GBGT1: variants seen among roughly 807,000 people sequenced by gnomAD.
The protein encoded by GBGT1 is globoside alpha-1,3-N-acetylgalactosaminyltransferase 1.
In GBGT1, 18 loss-of-function variants were observed where a neutral mutation model predicts 20.9. That is an observed-to-expected ratio of 0.86 (90% CI 0.60 to 1.28). GBGT1 has a LOEUF of 1.28. Among genes scored for constraint, GBGT1 ranks in the 50% most tolerant of loss-of-function variants. The pLI is 0.00. For synonymous variants in GBGT1, 168 were observed against 180.8 expected, an observed-to-expected ratio of 0.93 and a Z score of 0.57; for missense variants, 432 against 455.7, an observed-to-expected ratio of 0.95 and a Z score of 0.47.
At chr9:133,161,773 T>C (rs1249112624) in intron 2 of GBGT1, among the ~76,000 whole-genome samples, 1 of 151,804 alleles carries the variant, frequency 6.6e-6, no homozygotes, top group Non-Finnish European at 1.5e-5. Flanking sequence ...TCCTAGGGAG[T>C]GTATATTCTT....
intron 1 of GBGT1, 50 bp from the exon 2 acceptor site, chr9:133,162,582 A>G: frequency 1.6e-6 from 1 of 634,128 alleles, no homozygotes; most frequent in Non-Finnish European, 2.9e-6. Context: ...ACTCTTGTCA[A>G]CTGGGCTGGA....
rs147303150 is a variant in GBGT1, at chr9:133,153,407, G to GCTA, written c.*167_*169dup. ...GCCGCGTTACTGTGAGATCCTGTGTGCTACTGTGTGCACAGCCCTCTGCAG... is the reference window on the plus strand; with the variant it reads ...GCCGCGTTACTGTGAGATCCTGTGTGCTACTACTGTGTGCACAGCCCTCTGCAG... On this transcript the variant is annotated 3_prime_UTR_variant, in exon 7 of 7. Transcript: ENST00000372040. 2.5e-4 allele frequency: 117 copies of GCTA among 469,784 alleles called. No individual in the cohort carries two copies. Among genetic ancestry groups the GCTA allele is most frequent in the African/African-American group, 2.2e-3 (108 of 50,228 alleles). The allele number at this position is 469,784 out of a possible 1,614,324, so 29.1% of individuals were successfully genotyped here. A position where few individuals can be genotyped will look rare whatever the true frequency, so the allele number is the denominator to read the frequency against.
At chr9:133,163,369 G>C (rs1588594798) in intron 1 of GBGT1, 1 of 152,600 alleles carries the variant, frequency 6.6e-6, no homozygotes, top group Non-Finnish European at 1.5e-5. Flanking sequence ...TCAGTGGATG[G>C]GGGGCGGCAC....
intron 1 of GBGT1, chr9:133,162,982 G>C (rs958651925): frequency 6.4e-6 from 1 of 155,990 alleles, no homozygotes; most frequent in Admixed American, 6.2e-5. Context: ...GCAGTGGCTC[G>C]GTGCTCAGCT....
chr9:133,154,872 G>C lies in GBGT1; in HGVS notation c.359+306C>G. On this transcript the variant is annotated intron_variant, in intron 6 of 6. Transcript: ENST00000372040. The surrounding 1 kb of genome is among the most constrained non-coding windows in gnomAD (Gnocchi z 4.2). ...AGGAAGGCCAGGTGGGGTCATGGGA[G>C]AGACAAGGGCAGAGGAGGGGTCTAG... 1 of 308,240 alleles carries C rather than the reference G, an allele frequency of 3.2e-6. No homozygotes were observed. The highest frequency in any genetic ancestry group is 4.5e-5 in the Admixed American group (1 of 22,066). The allele number at this position is 308,240 out of a possible 1,614,324, so 19.1% of individuals were successfully genotyped here.
In GBGT1 at chr9:133,153,789, C is replaced by A; in HGVS notation, c.832G>T (p.Gly278Cys). The A allele has an allele frequency of 1.2e-6, 2 of 1,604,322 alleles. No homozygotes were observed. Among genetic ancestry groups the A allele is most frequent in the Non-Finnish European group, 8.5e-7 (1 of 1,174,914 alleles). Residue 278 changes from glycine (G) to cysteine (C), a missense_variant, in exon 7 of 7, where the codon GGC becomes TGC. By Grantham distance (159) the Gly-to-Cys change is radical. Transcript: ENST00000372040. ...QVARVYEFTRGCHMAILADKA... is the reference protein window; with the variant it reads ...QVARVYEFTRCCHMAILADKA... Reference sequence around the variant, plus strand: ...TCCGCCAGGATGGCCATGTGGCAGCCCCTAGTAAACTCATATACCCTGGCC... The same window carrying A: ...TCCGCCAGGATGGCCATGTGGCAGCACCTAGTAAACTCATATACCCTGGCC...
intron 5 of GBGT1, 162 bp from the exon 6 acceptor site, chr9:133,155,474 A>G (rs1832844933): frequency 1.7e-5 from 13 of 778,654 alleles, no homozygotes; most frequent in Middle Eastern, 3.7e-4. Context: ...GCCACCTCCC[A>G]GCAGGGTTGG....
chr9:133,159,577 G>A (rs1347772949), intron 3 of GBGT1, among the ~76,000 whole-genome samples: 1 of 152,204 alleles, frequency 6.6e-6, no homozygotes, highest in Non-Finnish European at 1.5e-5. Context: ...GACCCCTTGA[G>A]GCCAGGAGTT....
chr9:133,160,534 C>T (rs967290595), intron 3 of GBGT1, among the ~76,000 whole-genome samples: 3 of 152,090 alleles, frequency 2.0e-5, no homozygotes, highest in African/African-American at 7.2e-5. Context: ...TCCACATCCT[C>T]CGGCCACTAA....
At chr9:133,160,533 T>G (rs1217764372) in intron 3 of GBGT1, among the ~76,000 whole-genome samples, 15 of 152,088 alleles carry the variant, frequency 9.9e-5, no homozygotes, top group Admixed American at 9.8e-4. Flanking sequence ...ATCCACATCC[T>G]CCGGCCACTA....
At chr9:133,161,121 A>C in intron 3 of GBGT1, 1 of 400,484 alleles carries the variant, frequency 2.5e-6, no homozygotes, top group South Asian at 1.2e-4. Flanking sequence ...TCCTAAAAGC[A>C]CTGAACACAA....
At chr9:133,155,131 C>T (rs1277796100) in intron 6 of GBGT1, 47 bp downstream of exon 6, 4 of 1,572,034 alleles carry the variant, frequency 2.5e-6, no homozygotes, top group African/African-American at 2.7e-5. Context: ...CTATAAACTC[C>T]TGTGGCTCAG....
At chr9:133,158,938 C>T (rs967637172) in intron 3 of GBGT1, among the ~76,000 whole-genome samples, 1 of 151,934 alleles carries the variant, frequency 6.6e-6, no homozygotes, top group African/African-American at 2.4e-5. Flanking sequence ...AGTTTTTGTC[C>T]TTTTGTGATT....
At chr9:133,160,510 T>G (rs1833006431) in intron 3 of GBGT1, among the ~76,000 whole-genome samples, 1 of 152,066 alleles carries the variant, frequency 6.6e-6, no homozygotes, top group Non-Finnish European at 1.5e-5. Context: ...CCCAATGAGT[T>G]GGATCAGAAC....
chr9:133,161,906 G>T (rs1246635993), intron 2 of GBGT1, among the ~76,000 whole-genome samples: 1 of 152,180 alleles, frequency 6.6e-6, no homozygotes, highest in Non-Finnish European at 1.5e-5. Context: ...TTGGTTGAAG[G>T]ATGATCCAGG....
In GBGT1 at chr9:133,155,327, G is replaced by T. The variant is rs773511867; in HGVS notation, c.225-15C>A. ...GCTGTGTGGGCCTGGCAGCAGGGGG[G>T]CCGTGGGCACTGAGACCCTCCCCTG... On this transcript the variant is annotated splice_polypyrimidine_tract_variant and intron_variant, in intron 5 of 6. Transcript: ENST00000372040. 2.5e-6 allele frequency: 4 copies of T among 1,613,474 alleles called. No individual in the cohort carries two copies. The highest frequency in any genetic ancestry group is 1.7e-4 in the Middle Eastern group (1 of 5,966).
At chr9:133,156,273 A>G (rs1477865039) in intron 3 of GBGT1, among the ~76,000 whole-genome samples, 2 of 152,192 alleles carry the variant, frequency 1.3e-5, no homozygotes, top group African/African-American at 4.8e-5. Flanking sequence ...CTGAGAGAGT[A>G]AGTGGCAGGG....
At chr9:133,158,060 G>T (rs996090283) in intron 3 of GBGT1, among the ~76,000 whole-genome samples, 1 of 151,910 alleles carries the variant, frequency 6.6e-6, no homozygotes, top group African/African-American at 2.4e-5. Flanking sequence ...GAGGAGAATC[G>T]CTTGAACCCG....
chr9:133,160,236 G>A lies in GBGT1; in HGVS notation c.137+1231C>T, dbSNP rs755379837. On this transcript the variant is annotated intron_variant, in intron 3 of 6. Transcript: ENST00000372040. ...GGAGGTTGCAATGAGCTGAGATCAC[G>A]CCACGGTACTCCAGCCTGGGTGGCA... The A allele has an allele frequency of 4.8e-5, 12 of 248,272 alleles. No individual in the cohort carries two copies. The East Asian group carries it at 5.4e-4, about 11-fold the overall frequency. 15.4% of individuals were successfully genotyped at this position (248,272 alleles called of 1,614,324 possible). A position where few individuals can be genotyped will look rare whatever the true frequency, so the allele number is the denominator to read the frequency against.
Sources: allele counts gnomAD v4.1 joint callset (sites outside exome capture counted in the v4.1 genomes callset), GRCh38; gene constraint gnomAD v4.1.1; non-coding constraint Gnocchi (gnomAD v3.1); transcripts MANE v1.5; gene names NCBI Gene and HGNC (gene_info 2026-07-23, HGNC 2026-07-21).